KISS1R: variants seen among roughly 807,000 people sequenced by gnomAD.
The protein encoded by KISS1R is KISS1 receptor.
KISS1R carries 19 observed loss-of-function variants against 22.0 expected under a neutral mutation model. The observed-to-expected ratio is 0.86, with a 90% CI of 0.60 to 1.26. KISS1R has a LOEUF of 1.26. Among genes scored for constraint, KISS1R ranks in the 50% most tolerant of loss-of-function variants. The probability of loss-of-function intolerance (pLI) is 0.00; values close to 1 mark genes in which losing one functional copy is unlikely to be tolerated. For synonymous variants in KISS1R, 302 were observed against 283.9 expected, an observed-to-expected ratio of 1.06 and a Z score of -0.64; for missense variants, 653 against 581.9, an observed-to-expected ratio of 1.12 and a Z score of -1.26.
rs1282319927 is a variant in KISS1R at position 920,370 on chromosome 19, C to T, written c.819C>T (p.Ala273=). The T allele has an allele frequency of 1.3e-6, 2 of 1,579,964 alleles. No individual in the cohort carries two copies. Among genetic ancestry groups the T allele is most frequent in the Non-Finnish European group, 1.7e-6 (2 of 1,169,508 alleles). The change falls in exon 5 of 5, where the codon GCC becomes GCT. Residue 273 remains alanine (A), a synonymous_variant. Transcript: ENST00000234371. ...RLVAAVVLLF[A]ACWGPIQLFL... is the part of the protein sequence containing the mutation. Reference sequence around the variant, plus strand: ...TGGCGGCCGTGGTCCTGCTCTTCGCCGCCTGCTGGGGCCCCATCCAGCTGT... The same window carrying T: ...TGGCGGCCGTGGTCCTGCTCTTCGCTGCCTGCTGGGGCCCCATCCAGCTGT...
intron 2 of KISS1R, 65 bp from the exon 3 acceptor site, chr19:919,425 G>A (rs945382112): frequency 3.6e-5 from 55 of 1,532,840 alleles, no homozygotes; most frequent in Non-Finnish European, 4.5e-5. Context: ...GATCAGCAGG[G>A]CGGGCGGACA....
intron 1 of KISS1R, 60 bp from the exon 2 acceptor site, chr19:918,484 G>T (rs991149491): frequency 1.7e-5 from 26 of 1,529,202 alleles, no homozygotes; most frequent in Non-Finnish European, 2.1e-5. Flanking sequence ...GGCCAGGAGC[G>T]CTGGGCGGTT....
chr19:918,940 G>A, intron 2 of KISS1R, among the ~76,000 whole-genome samples: 1 of 144,990 alleles, frequency 6.9e-6, no homozygotes, highest in Non-Finnish European at 1.5e-5. Context: ...AGCAGGAGGG[G>A]AGGAGGCGCA....
rs2037102634 is a variant in KISS1R, at chr19:920,048, T to C, written c.680T>C (p.Met227Thr). 6.5e-7 allele frequency: 1 copy of C among 1,534,852 alleles called. No homozygotes were observed. The highest frequency in any genetic ancestry group is 8.7e-7 in the Non-Finnish European group (1 of 1,145,120). The part of the protein sequence containing the change: ...LLATCACYAA[M>T]LRHLGRVAVR... Reference sequence around the variant, plus strand: ...GCCACCTGCGCCTGCTATGCGGCCATGCTGCGCCACCTGGGCCGGGTCGCC... The same window carrying C: ...GCCACCTGCGCCTGCTATGCGGCCACGCTGCGCCACCTGGGCCGGGTCGCC... Residue 227 changes from methionine (M) to threonine (T), a missense_variant, in exon 4 of 5, where the codon ATG (methionine) becomes ACG (threonine). Physicochemically the swap from Met to Thr is moderately conservative, Grantham distance 81. Transcript: ENST00000234371.
Position 920,801 on chromosome 19 carries a change from C to T in KISS1R, c.*53C>T, listed in dbSNP as rs961627663. On this transcript the variant is annotated 3_prime_UTR_variant, in exon 5 of 5. Transcript: ENST00000234371. ...CCCTCGGGAGCGGGGACTGCTGGAA[C>T]AGCGGCTATTCTTCTGTTATTAGTA... 4 of 1,243,960 alleles carry T rather than the reference C, an allele frequency of 3.2e-6. No individual in the cohort carries two copies. Among genetic ancestry groups the T allele is most frequent in the Admixed American group, 4.2e-5 (1 of 23,764 alleles). The allele number at this position is 1,243,960 out of a possible 1,614,324, so 77.1% of individuals were successfully genotyped here. A position where few individuals can be genotyped will look rare whatever the true frequency, so the allele number is the denominator to read the frequency against.
At chr19:918,446 T>A in intron 1 of KISS1R, 98 bp from the exon 2 acceptor site, 5 of 1,391,520 alleles carry the variant, frequency 3.6e-6, no homozygotes, top group Admixed American at 2.2e-5. Flanking sequence ...TGCTGGTCAC[T>A]CGGACCAAGG....
chr19:918,690 G>A, intron 2 of KISS1R, 22 bp downstream of exon 2: 2 of 1,547,530 alleles, frequency 1.3e-6, no homozygotes, highest in South Asian at 1.2e-5. Flanking sequence ...AGCAGGAGGG[G>A]AGAGGGCGCA....
intron 3 of KISS1R, 62 bp downstream of exon 3, chr19:919,687 G>C (rs2037097619): frequency 1.3e-6 from 2 of 1,534,838 alleles, no homozygotes; most frequent in East Asian, 4.9e-5. Context: ...CTGGGCGCCC[G>C]GAGCCACCTG....
chr19:918,408 GGGA>G lies in KISS1R; in HGVS notation c.245-133_245-131del, dbSNP rs1328845523. ...CGCCCGAGGAGGCCAGGGGCGCTGG[GGGA>G]GGGGGGGGCCTCCCTGAGCCATCCT... On this transcript the variant is annotated intron_variant, in intron 1 of 4. Coordinates refer to ENST00000234371, the MANE Select transcript of KISS1R (RefSeq NM_032551.5). The G allele has an allele frequency of 0.1, 21,193 of 207,244 alleles. 60 individuals carry two copies. Among genetic ancestry groups the G allele is most frequent in the African/African-American group, 0.22 (1,516 of 6,924 alleles). The allele number at this position is 207,244 out of a possible 1,614,324, so 12.8% of individuals were successfully genotyped here. A position where few individuals can be genotyped will look rare whatever the true frequency, so the allele number is the denominator to read the frequency against.
Position 919,581 on chromosome 19 carries a change from G to T in KISS1R, c.461G>T (p.Arg154Leu). 3 of 1,549,104 alleles carry T rather than the reference G, an allele frequency of 1.9e-6. No homozygotes were observed. Among genetic ancestry groups the T allele is most frequent in the Non-Finnish European group, 1.7e-6 (2 of 1,151,120 alleles). The change falls in exon 3 of 5, where the codon CGC becomes CTC. Residue 154 changes from arginine to leucine, a missense_variant. Physicochemically the swap from Arg to Leu is moderately radical, Grantham distance 102. Transcript: ENST00000234371. Reference sequence around the variant, plus strand: ...TTCCCGTTGCGCGCCCTGCACCGCCGCACGCCCCGCCTGGCGCTGGCTGTC... The same window carrying T: ...TTCCCGTTGCGCGCCCTGCACCGCCTCACGCCCCGCCTGGCGCTGGCTGTC... ...TVFPLRALHR[R>L]TPRLALAVSL...
rs767447321 is a variant in KISS1R at position 917,511 on chromosome 19, C to T, written c.9C>T (p.Thr3=). The change falls in exon 1 of 5, where the codon ACC becomes ACT. Residue 3 remains threonine, a synonymous_variant. Transcript: ENST00000234371. ...AGGAGGTGCGCGCGGCCATGCACACCGTGGCTACGTCCGGACCCAACGCGT... is the reference window on the plus strand; with the variant it reads ...AGGAGGTGCGCGCGGCCATGCACACTGTGGCTACGTCCGGACCCAACGCGT... MH[T]VATSGPNASW... 3.1e-4 allele frequency: 468 copies of T among 1,489,728 alleles called. 4 individuals carry two copies. The Admixed American group carries it at 9.7e-3, about 31-fold the overall frequency. 92.3% of individuals were successfully genotyped at this position (1,489,728 alleles called of 1,614,324 possible). A position where few individuals can be genotyped will look rare whatever the true frequency, so the allele number is the denominator to read the frequency against.
Position 920,730 on chromosome 19 carries a change from G to A in KISS1R, c.1179G>A (p.Glu393=). 1 of 1,295,754 alleles carries A rather than the reference G, an allele frequency of 7.7e-7. No homozygotes were observed. The highest frequency in any genetic ancestry group is 9.8e-7 in the Non-Finnish European group (1 of 1,024,426). The allele number at this position is 1,295,754 out of a possible 1,614,324, so 80.3% of individuals were successfully genotyped here. The change falls in exon 5 of 5, where the codon GAG becomes GAA. Residue 393 remains glutamate, a synonymous_variant. Coordinates refer to ENST00000234371, the MANE Select transcript of KISS1R (RefSeq NM_032551.5). The stretch of plus-strand genomic sequence containing the variant: ...CGCGCGGGCTGTGCGTCCTGGGGGA[G>A]GACAACGCCCCTCTCTGAGCGGACC... ...LAARGLCVLG[E]DNAPL
chr19:919,858 C>G lies in KISS1R; in HGVS notation c.506-16C>G, dbSNP rs2037099907. The G allele has an allele frequency of 1.3e-6, 2 of 1,535,282 alleles. No individual in the cohort carries two copies. The highest frequency in any genetic ancestry group is 2.4e-5 in the South Asian group (2 of 84,024). On this transcript the variant is annotated splice_polypyrimidine_tract_variant and intron_variant, in intron 3 of 4. Coordinates refer to ENST00000234371, the MANE Select transcript of KISS1R (RefSeq NM_032551.5). ...TGGTTCCCCGAGCGGGGTCTTCATC[C>G]TGGCTTGTGGCACAGGCTCTGCGGC...
rs73507529 is a variant in KISS1R at position 920,252 on chromosome 19, C to A, written c.739-38C>A. On this transcript the variant is annotated intron_variant, in intron 4 of 4. Coordinates refer to ENST00000234371, the MANE Select transcript of KISS1R (RefSeq NM_032551.5). ...CGAGGGGATGAGCTGAGCCGGGCCC[C>A]AGCCTTTCGTCTAACCACCTTCACG... The A allele has an allele frequency of 0.018, 27,742 of 1,553,106 alleles. 2,940 individuals carry two copies. In the African/African-American group the frequency reaches 0.27, roughly 15 times the overall value.
chr19:918,406 G>A (rs2037077575), intron 1 of KISS1R, 138 bp from the exon 2 acceptor site: 20 of 746,132 alleles, frequency 2.7e-5, no homozygotes, highest in Non-Finnish European at 3.5e-5. Flanking sequence ...CAGGGGCGCT[G>A]GGGGAGGGGG....
In KISS1R at chr19:917,712, C is replaced by G. The variant is rs777461760; in HGVS notation, c.210C>G (p.His70Gln). 2 of 1,602,256 alleles carry G rather than the reference C, an allele frequency of 1.2e-6. No individual in the cohort carries two copies. Among genetic ancestry groups the G allele is most frequent in the Non-Finnish European group, 1.7e-6 (2 of 1,175,640 alleles). The stretch of plus-strand genomic sequence containing the variant: ...TGGTCATCTACGTCATCTGCCGCCA[C>G]AAGCCGATGCGGACCGTGACCAACT... The part of the protein sequence containing the change: ...NSLVIYVICR[H>Q]KPMRTVTNFY... The change falls in exon 1 of 5, where the codon CAC (histidine) becomes CAG (glutamine). Residue 70 changes from histidine (H) to glutamine (Q), a missense_variant. His to Gln is a conservative substitution (Grantham distance 24). Coordinates refer to ENST00000234371, the MANE Select transcript of KISS1R (RefSeq NM_032551.5).
At chr19:918,489 G>T in intron 1 of KISS1R, 55 bp from the exon 2 acceptor site, 1 of 1,532,558 alleles carries the variant, frequency 6.5e-7, no homozygotes, top group Non-Finnish European at 8.7e-7. Context: ...GGAGCGCTGG[G>T]CGGTTCCCGC....
At position 921,005 on chromosome 19, in the gene KISS1R, A is replaced by G. The variant is rs1247164774; in HGVS notation, c.*257A>G. 3.2e-6 allele frequency: 1 copy of G among 311,150 alleles called. No homozygotes were observed. Among genetic ancestry groups the G allele is most frequent in the African/African-American group, 2.3e-5 (1 of 43,968 alleles). 19.3% of individuals were successfully genotyped at this position (311,150 alleles called of 1,614,324 possible). ...TCCAGAAAGTGTCAGACGTTTTCTCATTGTCTTGTAGTTGACTGTCACTGT... is the reference window on the plus strand; with the variant it reads ...TCCAGAAAGTGTCAGACGTTTTCTCGTTGTCTTGTAGTTGACTGTCACTGT... On this transcript the variant is annotated 3_prime_UTR_variant, in exon 5 of 5. Coordinates refer to ENST00000234371, the MANE Select transcript of KISS1R (RefSeq NM_032551.5).
At chr19:919,117 G>A (rs2037089277) in intron 2 of KISS1R, among the ~76,000 whole-genome samples, 1 of 139,562 alleles carries the variant, frequency 7.2e-6, no homozygotes, top group South Asian at 2.6e-4. Context: ...GGGCGGTGGT[G>A]CAGCCTAGAA....
Sources: gnomAD v4.1 joint callset for allele counts (sites outside exome capture counted in the v4.1 genomes callset) on GRCh38, gnomAD v4.1.1 for gene constraint, MANE v1.5 for transcripts, NCBI Gene and HGNC (gene_info 2026-07-23, HGNC 2026-07-21) for gene names.